Variants in MAP3K8 observed in about 807,000 individuals in gnomAD.
MAP3K8 encodes the protein Ewing sarcoma transformant.
In MAP3K8, 22 loss-of-function variants were observed where a neutral mutation model predicts 45.8. The observed-to-expected ratio is 0.48, with a 90% CI of 0.34 to 0.69. The LOEUF is 0.69. Among genes scored for constraint, MAP3K8 ranks in the 30% least tolerant of loss-of-function variants. The probability of loss-of-function intolerance (pLI) is 0.01; values close to 1 mark genes in which losing one functional copy is unlikely to be tolerated. For synonymous variants in MAP3K8, 223 were observed against 214.3 expected, an observed-to-expected ratio of 1.04 and a Z score of -0.36; for missense variants, 419 against 585.0, an observed-to-expected ratio of 0.72 and a Z score of 2.93.
At chr10:30,454,727 C>A (rs1397967548) in intron 6 of MAP3K8, among the ~76,000 whole-genome samples, 1 of 151,226 alleles carries the variant, frequency 6.6e-6, no homozygotes, top group Non-Finnish European at 1.5e-5. Context: ...TTGAGCAGAA[C>A]AATATTCAGA....
Position 30,449,203 on chromosome 10 carries a change from G to A in MAP3K8, c.505-1055G>A, listed in dbSNP as rs774951016. ...GAGTAGCGACTGGAAGGGGCCAAGA[G>A]GGGGGCTTCTTGAATGCTAGTAGAC... On this transcript the variant is annotated intron_variant, in intron 4 of 8. Coordinates refer to ENST00000263056, the MANE Select transcript of MAP3K8 (RefSeq NM_005204.4). Among the ~76,000 whole-genome samples the A allele has an allele frequency of 3.9e-5, 6 of 152,250 alleles. No individual in the cohort carries two copies. In the East Asian group the frequency reaches 7.7e-4, roughly 20 times the overall value.
chr10:30,449,493 T>C (rs1382000651), intron 4 of MAP3K8, among the ~76,000 whole-genome samples: 1 of 152,244 alleles, frequency 6.6e-6, no homozygotes, highest in Non-Finnish European at 1.5e-5. Context: ...CCATCATTTT[T>C]ACACTTTTTT....
At chr10:30,460,620 A>G in intron 8 of MAP3K8, 86 bp from the exon 9 acceptor site, 10 of 1,152,742 alleles carry the variant, frequency 8.7e-6, no homozygotes, top group Non-Finnish European at 1.2e-5. Flanking sequence ...ATTAGGCCCC[A>G]AAGATTTATT....
intron 6 of MAP3K8, among the ~76,000 whole-genome samples, chr10:30,452,244 C>T (rs1475965131): frequency 6.6e-6 from 1 of 151,760 alleles, no homozygotes; most frequent in Non-Finnish European, 1.5e-5. Context: ...CTGAGATGGG[C>T]GGATCACCTG....
rs1836493975 is a variant in MAP3K8, at chr10:30,450,344, C to T, written c.591C>T (p.Val197=). ...HENIAELYGA[V]LWGETVHLFM... ...ACATCGCAGAGCTGTATGGCGCAGT[C>T]CTGTGGGGTGAAACTGTCCATCTCT... Residue 197 remains valine (V), a synonymous_variant, in exon 5 of 9, where the codon GTC becomes GTT. Transcript: ENST00000263056. 9 of 1,614,090 alleles carry T rather than the reference C, an allele frequency of 5.6e-6. No homozygotes were observed. Among genetic ancestry groups the T allele is most frequent in the African/African-American group, 4.0e-5 (3 of 75,012 alleles).
intron 3 of MAP3K8, among the ~76,000 whole-genome samples, chr10:30,441,208 G>A (rs1168322506): frequency 6.6e-6 from 1 of 151,568 alleles, no homozygotes; most frequent in African/African-American, 2.4e-5. Context: ...CCAGGCTGGA[G>A]TGCCGTGGCG....
At chr10:30,454,424 A>G (rs1836664881) in intron 6 of MAP3K8, among the ~76,000 whole-genome samples, 1 of 152,054 alleles carries the variant, frequency 6.6e-6, no homozygotes, top group Non-Finnish European at 1.5e-5. Context: ...TTTTGTAAAA[A>G]TGGCATGGTG....
At position 30,461,813 on chromosome 10, in the gene MAP3K8, T is replaced by G. The variant is rs1836949400; in HGVS notation, c.*977T>G. 1 of 180,542 alleles carries G rather than the reference T, an allele frequency of 5.5e-6. No individual in the cohort carries two copies. Among genetic ancestry groups the G allele is most frequent in the Non-Finnish European group, 1.2e-5 (1 of 84,498 alleles). 11.2% of individuals were successfully genotyped at this position (180,542 alleles called of 1,614,324 possible). A position where few individuals can be genotyped will look rare whatever the true frequency, so the allele number is the denominator to read the frequency against. ...AATGTGGTTGGTCAAATCAACTGAA[T>G]AAATTCAGTATTTTGCCTTAGTTGT... On this transcript the variant is annotated 3_prime_UTR_variant, in exon 9 of 9. Transcript: ENST00000263056.
At chr10:30,447,639 T>C (rs1457048102) in intron 3 of MAP3K8, 143 bp from the exon 4 acceptor site, 7 of 702,108 alleles carry the variant, frequency 1.0e-5, no homozygotes, top group East Asian at 7.8e-5. Context: ...CTCTGTACAG[T>C]TGGTAGGATT....
intron 4 of MAP3K8, among the ~76,000 whole-genome samples, chr10:30,448,402 C>A (rs1257874188): frequency 5.0e-5 from 6 of 120,544 alleles, no homozygotes; most frequent in Non-Finnish European, 7.2e-5. Context: ...ATTGAAAAGA[C>A]CCTATCCCAA....
chr10:30,451,591 T>G, intron 5 of MAP3K8, 47 bp from the exon 6 acceptor site: 1 of 1,004,750 alleles, frequency 1.0e-6, no homozygotes, highest in Non-Finnish European at 1.5e-6. Context: ...ATTTGACTTA[T>G]GGGTATATAA....
intron 3 of MAP3K8, among the ~76,000 whole-genome samples, chr10:30,442,147 G>A (rs958609553): frequency 6.6e-6 from 1 of 152,214 alleles, no homozygotes; most frequent in Non-Finnish European, 1.5e-5. Context: ...GCCTCTGGGA[G>A]CTTGCTGCCT....
In MAP3K8 at chr10:30,460,646, C is replaced by T. The variant is rs1452914903; in HGVS notation, c.1274-60C>T. On this transcript the variant is annotated intron_variant, in intron 8 of 8. Coordinates refer to ENST00000263056, the MANE Select transcript of MAP3K8 (RefSeq NM_005204.4). ...AAGATTTATTTCACTGCAGAAGGAA[C>T]AGGTATTTATCATTTGACACGTTTT... The T allele has an allele frequency of 8.6e-6, 12 of 1,390,392 alleles. No individual in the cohort carries two copies. In the East Asian group the frequency reaches 2.6e-4, roughly 30 times the overall value. 86.1% of individuals were successfully genotyped at this position (1,390,392 alleles called of 1,614,324 possible). A position where few individuals can be genotyped will look rare whatever the true frequency, so the allele number is the denominator to read the frequency against.
chr10:30,450,628 C>T, intron 5 of MAP3K8, 109 bp downstream of exon 5: 11 of 909,936 alleles, frequency 1.2e-5, no homozygotes, highest in African/African-American at 1.7e-5. Context: ...GTGGAAAGCT[C>T]CCTCAGAGCA....
chr10:30,458,113 C>G lies in MAP3K8; in HGVS notation c.903C>G (p.Cys301Trp). 3 of 1,588,560 alleles carry G rather than the reference C, an allele frequency of 1.9e-6. No homozygotes were observed. Among genetic ancestry groups the G allele is most frequent in the Non-Finnish European group, 2.6e-6 (3 of 1,166,928 alleles). The change falls in exon 7 of 9, where the codon TGC becomes TGG. Residue 301 changes from cysteine (C) to tryptophan (W), a missense_variant. Cys to Trp is a radical substitution (Grantham distance 215). Coordinates refer to ENST00000263056, the MANE Select transcript of MAP3K8 (RefSeq NM_005204.4). ...ACATGAGCCCAGAGGTCATCCTGTG[C>G]AGGGGCCATTCAACCAAAGCAGACA... ...EIYMSPEVIL[C>W]RGHSTKADIY... is the part of the protein sequence containing the mutation.
intron 3 of MAP3K8, among the ~76,000 whole-genome samples, chr10:30,443,259 A>G (rs977489381): frequency 2.0e-5 from 3 of 152,222 alleles, no homozygotes; most frequent in African/African-American, 7.2e-5. Flanking sequence ...AAAATGGATA[A>G]CATCATGACA....
rs1836911961 is a variant in MAP3K8 at position 30,460,797 on chromosome 10, C to A, written c.1365C>A (p.Phe455Leu). ...ACCTCGGCGCTCTGGCTGGCTACTT[C>A]AATCTTGTTCGGGGACCACCAACGC... ...YIDLGALAGY[F>L]NLVRGPPTLE... Residue 455 changes from phenylalanine (F) to leucine (L), a missense_variant, in exon 9 of 9, where the codon TTC (phenylalanine) becomes TTA (leucine). By Grantham distance (22) the Phe-to-Leu change is conservative. Coordinates refer to ENST00000263056, the MANE Select transcript of MAP3K8 (RefSeq NM_005204.4). 1.2e-6 allele frequency: 2 copies of A among 1,614,014 alleles called. No homozygotes were observed. Among genetic ancestry groups the A allele is most frequent in the Non-Finnish European group, 8.5e-7 (1 of 1,180,016 alleles).
chr10:30,454,082 T>G lies in MAP3K8; in HGVS notation c.873+2338T>G, dbSNP rs1836650527. Among the ~76,000 whole-genome samples, 4 of 152,190 alleles carry G rather than the reference T, an allele frequency of 2.6e-5. No homozygotes were observed. The South Asian group carries it at 8.3e-4, about 32-fold the overall frequency. ...ATGCAAGCAGGAAGGTAAATGGGTG[T>G]AAAAGCTGCCTCCTTGGCCCCTCAC... is the stretch of plus-strand genomic sequence containing the variant. On this transcript the variant is annotated intron_variant, in intron 6 of 8. Coordinates refer to ENST00000263056, the MANE Select transcript of MAP3K8 (RefSeq NM_005204.4).
At chr10:30,451,469 C>G (rs938490212) in intron 5 of MAP3K8, among the ~76,000 whole-genome samples, 169 bp from the exon 6 acceptor site, 6 of 152,272 alleles carry the variant, frequency 3.9e-5, no homozygotes, top group African/African-American at 1.4e-4. Context: ...TGATTTTCAC[C>G]TCAACTCTGA....
Sources: gnomAD v4.1 joint callset for allele counts (sites outside exome capture counted in the v4.1 genomes callset) on GRCh38, gnomAD v4.1.1 for gene constraint, MANE v1.5 for transcripts, NCBI Gene and HGNC (gene_info 2026-07-23, HGNC 2026-07-21) for gene names.